The following TULP2 variants were observed in gnomAD, a reference collection of about 807,000 sequenced individuals.
The protein encoded by TULP2 is TUB like protein 2.
A neutral mutation model predicts 60.3 loss-of-function variants in TULP2; 64 were observed. That is an observed-to-expected ratio of 1.06 (90% CI 0.87 to 1.31). The LOEUF is 1.31. TULP2 is among the 50% of genes most tolerant of loss of function. The pLI, the probability that TULP2 is intolerant of heterozygous loss-of-function variation, is 0.00. For missense variants in TULP2, 652 were observed against 667.0 expected (o/e 0.98, Z 0.25); for synonymous variants, 267 against 265.4 (o/e 1.01, Z -0.06).
chr19:48,882,246 G>A (rs183488961), intron 11 of TULP2, 43 bp from the exon 12 acceptor site: 37 of 1,610,334 alleles, frequency 2.3e-5, no homozygotes, highest in Middle Eastern at 3.3e-4. Context: ...AGAGGCTTTC[G>A]AAACTCCATC....
intron 9 of TULP2, 85 bp downstream of exon 9, chr19:48,885,363 C>G (rs1423379614): frequency 3.6e-6 from 4 of 1,115,578 alleles, no homozygotes; most frequent in Non-Finnish European, 5.4e-6. Context: ...GGAAGGTATG[C>G]TCTGTGGCCT....
intron 6 of TULP2, 124 bp downstream of exon 6, chr19:48,894,874 C>T: frequency 1.5e-6 from 2 of 1,309,948 alleles, no homozygotes; most frequent in Non-Finnish European, 2.1e-6. Context: ...GAATTGTGAA[C>T]TTTAAATGGG....
chr19:48,894,424 T>C (rs2037260182), intron 6 of TULP2, among the ~76,000 whole-genome samples: 1 of 152,038 alleles, frequency 6.6e-6, no homozygotes, highest in South Asian at 2.1e-4. Flanking sequence ...GGGTGGATCA[T>C]GAGGTCAGGA....
In TULP2 at chr19:48,897,847, A is replaced by G. The variant is rs2037296320; in HGVS notation, c.22T>C (p.Leu8=). 3.7e-6 allele frequency: 6 copies of G among 1,613,618 alleles called. No homozygotes were observed. Among genetic ancestry groups the G allele is most frequent in the East Asian group, 2.2e-5 (1 of 44,806 alleles). Reference sequence around the variant, plus strand: ...TGTTTCCCTACTCACTCTCTCATCAATGTGTCATTATCCTGAGACATTCTG... The same window carrying G: ...TGTTTCCCTACTCACTCTCTCATCAGTGTGTCATTATCCTGAGACATTCTG... MSQDNDT[L]MRDILGHELA... Residue 8 remains leucine (L), a synonymous_variant, in exon 2 of 13, where the codon TTG becomes CTG. Coordinates refer to ENST00000221399, the MANE Select transcript of TULP2 (RefSeq NM_003323.3). The surrounding 1 kb of genome is among the most constrained non-coding windows in gnomAD (Gnocchi z 4.0).
rs1259107140 is a variant in TULP2, at chr19:48,888,036, A to C, written c.862T>G (p.Cys288Gly). 1.2e-6 allele frequency: 2 copies of C among 1,614,184 alleles called. No homozygotes were observed. The highest frequency in any genetic ancestry group is 2.2e-5 in the South Asian group (2 of 91,086). ...RPALPGTMMQ[C>G]YLTRDKHGVD... Reference sequence around the variant, plus strand: ...CCGTGCTTGTCACGGGTGAGGTAGCACTGCATCATGGTGCCCGGGAGCGCT... The same window carrying C: ...CCGTGCTTGTCACGGGTGAGGTAGCCCTGCATCATGGTGCCCGGGAGCGCT... Residue 288 changes from cysteine (C) to glycine (G), a missense_variant, in exon 8 of 13, where the codon TGC becomes GGC. Cys to Gly is a radical substitution (Grantham distance 159). Transcript: ENST00000221399.
intron 3 of TULP2, 25 bp from the exon 4 acceptor site, chr19:48,896,581 T>C: frequency 6.4e-7 from 1 of 1,572,116 alleles, no homozygotes; most frequent in Non-Finnish European, 8.6e-7. Context: ...GAGGTGGGTG[T>C]CCGGGACAGG....
intron 9 of TULP2, among the ~76,000 whole-genome samples, chr19:48,884,590 G>C (rs1161806749): frequency 6.6e-6 from 1 of 152,032 alleles, no homozygotes; most frequent in African/African-American, 2.4e-5. Context: ...GACAGACATG[G>C]AGAAACCCCG....
In TULP2 at chr19:48,883,990, C is replaced by A. The variant is rs778740968; in HGVS notation, c.1118G>T (p.Arg373Leu). ...TIFDNGVNPD[R>L]EHLTRNTARI... ...GGCAGTATTCCTGGTTAAATGCTCC[C>A]GGTCAGGATTCACCCCATTGTCAAA... Residue 373 changes from arginine to leucine, a missense_variant, in exon 10 of 13, where the codon CGG (arginine) becomes CTG (leucine). By Grantham distance (102) the Arg-to-Leu change is moderately radical (BLOSUM62 -2). Coordinates refer to ENST00000221399, the MANE Select transcript of TULP2 (RefSeq NM_003323.3). 1 of 1,614,052 alleles carries A rather than the reference C, an allele frequency of 6.2e-7. No homozygotes were observed. The highest frequency in any genetic ancestry group is 1.7e-5 in the Admixed American group (1 of 59,984).
intron 7 of TULP2, among the ~76,000 whole-genome samples, chr19:48,888,513 G>A (rs17272700): frequency 0.11 from 15,982 of 152,166 alleles, 1,175 homozygotes; most frequent in Non-Finnish European, 0.16. Flanking sequence ...GGCCCATTCC[G>A]TTAAAATGGC....
At chr19:48,881,876 G>T (rs1310665463) in intron 12 of TULP2, 156 bp downstream of exon 12, 2 of 949,790 alleles carry the variant, frequency 2.1e-6, no homozygotes, top group Non-Finnish European at 3.2e-6. Flanking sequence ...AACCCTGAGG[G>T]TGTGTAAACT....
Position 48,883,910 on chromosome 19 carries a change from C to A in TULP2, c.1176+22G>T, listed in dbSNP as rs777465603. On this transcript the variant is annotated intron_variant, in intron 10 of 12. Transcript: ENST00000221399. ...CTTCTTCTGACTATCCTACCCCATT[C>A]TCTCATCCCCAGGACACTCACATAA... is the stretch of plus-strand genomic sequence containing the variant. 6 of 1,613,896 alleles carry A rather than the reference C, an allele frequency of 3.7e-6. No individual in the cohort carries two copies. The South Asian group carries it at 6.6e-5, about 18-fold the overall frequency.
rs1221481778 is a variant in TULP2 at position 48,897,380 on chromosome 19, G to C, written c.49C>G (p.Leu17Val). The change falls in exon 3 of 13, where the codon CTC becomes GTC. Residue 17 changes from leucine to valine, a missense_variant. Physicochemically the swap from Leu to Val is conservative, Grantham distance 32 (BLOSUM62 1). Transcript: ENST00000221399. The surrounding 1 kb of genome is among the most constrained non-coding windows in gnomAD (Gnocchi z 4.0). ...AGCTTCTGCAGCCTCATAGCAGCGA[G>C]CTCATGCCCCAGGATGCTGAGAGAG... ...TLMRDILGHE[L>V]AAMRLQKLEQ... 25 of 1,613,688 alleles carry C rather than the reference G, an allele frequency of 1.5e-5. No individual in the cohort carries two copies. The highest frequency in any genetic ancestry group is 2.1e-5 in the Non-Finnish European group (25 of 1,179,902).
At chr19:48,896,743 C>T (rs73061697) in intron 3 of TULP2, 187 bp from the exon 4 acceptor site, 79,383 of 637,314 alleles carry the variant, frequency 0.12, 5,942 homozygotes, top group Non-Finnish European at 0.15. Flanking sequence ...GGACTCAGAT[C>T]CAAGAGTCCT....
Position 48,897,836 on chromosome 19 carries a change from C to T in TULP2, c.32+1G>A. 1.2e-6 allele frequency: 2 copies of T among 1,613,860 alleles called. No homozygotes were observed. Among genetic ancestry groups the T allele is most frequent in the Non-Finnish European group, 1.7e-6 (2 of 1,179,914 alleles). ...CCCTACCCATCTGTTTCCCTACTCACTCTCTCATCAATGTGTCATTATCCT... is the reference window on the plus strand; with the variant it reads ...CCCTACCCATCTGTTTCCCTACTCATTCTCTCATCAATGTGTCATTATCCT... On this transcript the variant is annotated splice_donor_variant, in intron 2 of 12. Coordinates refer to ENST00000221399, the MANE Select transcript of TULP2 (RefSeq NM_003323.3). LOFTEE classifies it high-confidence loss of function. This position sits in a 1 kb window ranked among gnomAD's most constrained non-coding sequence, Gnocchi z 4.0.
intron 4 of TULP2, among the ~76,000 whole-genome samples, chr19:48,895,836 G>A (rs2037273968): frequency 6.6e-6 from 1 of 152,114 alleles, no homozygotes; most frequent in African/African-American, 2.4e-5. Context: ...CCGATATCCT[G>A]CCATTGTACT....
intron 6 of TULP2, among the ~76,000 whole-genome samples, chr19:48,891,660 C>T (rs542616148): frequency 4.0e-4 from 61 of 152,208 alleles, no homozygotes; most frequent in African/African-American, 1.4e-3. Flanking sequence ...TGGAGACGAG[C>T]GGCTGAGAGA....
At chr19:48,881,875 G>C in intron 12 of TULP2, 157 bp downstream of exon 12, 1 of 946,544 alleles carries the variant, frequency 1.1e-6, no homozygotes, top group Non-Finnish European at 1.6e-6. Context: ...AAACCCTGAG[G>C]GTGTGTAAAC....
In TULP2 at chr19:48,889,610, C is replaced by G. The variant is rs147078776; in HGVS notation, c.536G>C (p.Ser179Thr). ...QRPGTRAEGE[S>T]DSQDMGDAHK... ...TGCATCTCCCATATCCTGGGAGTCA[C>G]TCTCACCCTCTGCACGGGTCCCTAA... The change falls in exon 7 of 13, where the codon AGT becomes ACT. Residue 179 changes from serine (S) to threonine (T), a missense_variant. Ser to Thr is a moderately conservative substitution (Grantham distance 58). Coordinates refer to ENST00000221399, the MANE Select transcript of TULP2 (RefSeq NM_003323.3). The G allele has an allele frequency of 0.013, 20,857 of 1,584,052 alleles. 232 individuals are homozygous for G. The highest frequency in any genetic ancestry group is 0.014 in the Non-Finnish European group (15,758 of 1,156,140).
intron 6 of TULP2, among the ~76,000 whole-genome samples, chr19:48,892,865 C>G (rs1397101151): frequency 6.6e-6 from 1 of 151,442 alleles, no homozygotes; most frequent in Non-Finnish European, 1.5e-5. Flanking sequence ...GACAAAGTAA[C>G]GATCTGATCT....
Sources: gnomAD v4.1 joint callset for allele counts (sites outside exome capture counted in the v4.1 genomes callset) on GRCh38, gnomAD v4.1.1 for gene constraint, Gnocchi (gnomAD v3.1) non-coding constraint, MANE v1.5 for transcripts, NCBI Gene and HGNC (gene_info 2026-07-23, HGNC 2026-07-21) for gene names.